The following POC1A variants were observed in gnomAD, a reference collection of about 807,000 sequenced individuals.
The protein encoded by POC1A is POC1 centriolar protein A.
In POC1A, 34 loss-of-function variants were observed where a neutral mutation model predicts 47.8. The ratio of observed to expected loss-of-function variants is 0.71; its 90% CI spans 0.54 to 0.95. POC1A has a LOEUF of 0.95. POC1A is among the 40% of genes least tolerant of loss of function. POC1A has a pLI of 0.00. For missense variants in POC1A, 466 were observed against 528.3 expected (o/e 0.88, Z 1.16); for synonymous variants, 177 against 207.6 (o/e 0.85, Z 1.27).
At chr3:52,141,970 C>A (rs1698208421) in intron 6 of POC1A, among the ~76,000 whole-genome samples, 1 of 152,232 alleles carries the variant, frequency 6.6e-6, no homozygotes, top group African/African-American at 2.4e-5. Context: ...GCCAAAGAGA[C>A]CACCTCTCCC....
chr3:52,100,169 T>C (rs142972611), intron 9 of POC1A, among the ~76,000 whole-genome samples: 2 of 152,290 alleles, frequency 1.3e-5, no homozygotes, highest in Middle Eastern at 3.4e-3. Flanking sequence ...TCACACACAG[T>C]AGGAATTGCC....
chr3:52,078,118 A>G (rs1702174176), intron 10 of POC1A, among the ~76,000 whole-genome samples: 1 of 152,132 alleles, frequency 6.6e-6, no homozygotes, highest in Admixed American at 6.5e-5. Flanking sequence ...CCCTCAAGGC[A>G]GTTTCTCCCC....
At chr3:52,114,720 C>A (rs1226583016) in intron 9 of POC1A, among the ~76,000 whole-genome samples, 2 of 152,164 alleles carry the variant, frequency 1.3e-5, no homozygotes, top group Non-Finnish European at 2.9e-5. Context: ...GAATGAATTT[C>A]CCCCAGGAGC....
chr3:52,109,557 A>T (rs900127039), intron 9 of POC1A, among the ~76,000 whole-genome samples: 3 of 151,896 alleles, frequency 2.0e-5, no homozygotes, highest in Middle Eastern at 6.8e-3. Flanking sequence ...GGCAAGTGGG[A>T]CTCCAAGAGG....
Position 52,154,399 on chromosome 3 carries a change from C to CTGCGGTGGCCGT in POC1A, c.-39_-28dup. The CTGCGGTGGCCGT allele has an allele frequency of 2.8e-6, 4 of 1,450,942 alleles. No homozygotes were observed. Among genetic ancestry groups the CTGCGGTGGCCGT allele is most frequent in the Non-Finnish European group, 2.7e-6 (3 of 1,108,230 alleles). 89.9% of individuals were successfully genotyped at this position (1,450,942 alleles called of 1,614,324 possible). ...GCGGGGCTGGCGGCGCCGAAGGCAG[C>CTGCGGTGGCCGT]TGCGGTGGCCGTTGCGGCCCGTTCA... On this transcript the variant is annotated 5_prime_UTR_variant, in exon 1 of 11. Transcript: ENST00000296484.
At chr3:52,120,447 A>G (rs1703736846) in intron 9 of POC1A, among the ~76,000 whole-genome samples, 1 of 152,228 alleles carries the variant, frequency 6.6e-6, no homozygotes, top group Admixed American at 6.5e-5. Flanking sequence ...AAATAAGGAA[A>G]GAGGTCTGAT....
At chr3:52,143,879 G>C (rs1360381228) in intron 6 of POC1A, among the ~76,000 whole-genome samples, 1 of 152,198 alleles carries the variant, frequency 6.6e-6, no homozygotes, top group Non-Finnish European at 1.5e-5. Context: ...CCCCGAGCCA[G>C]AGATGGCATC....
At chr3:52,134,606 T>C (rs1174800086) in intron 7 of POC1A, among the ~76,000 whole-genome samples, 1 of 152,158 alleles carries the variant, frequency 6.6e-6, no homozygotes, top group African/African-American at 2.4e-5. Flanking sequence ...CACTCCAGCC[T>C]GGGCGACAGG....
intron 7 of POC1A, among the ~76,000 whole-genome samples, chr3:52,136,407 C>G (rs1704466732): frequency 6.6e-6 from 1 of 152,160 alleles, no homozygotes; most frequent in South Asian, 2.1e-4. Flanking sequence ...GCCTTCAGCT[C>G]TGTCAGCCTC....
intron 7 of POC1A, among the ~76,000 whole-genome samples, chr3:52,127,558 AT>A (rs1158907298): frequency 2.7e-5 from 4 of 148,630 alleles, no homozygotes; most frequent in African/African-American, 5.0e-5. Flanking sequence ...GCCCAGCTAA[AT>A]TTTTTTTGTA....
In POC1A at chr3:52,145,907, G is replaced by A; in HGVS notation, c.618C>T (p.Gly206=). 2.5e-6 allele frequency: 4 copies of A among 1,613,982 alleles called. No individual in the cohort carries two copies. The South Asian group carries it at 3.3e-5, about 13-fold the overall frequency. ...CCCACACCTTCACTGTGTTGTCCAT[G>A]CCGGCAGCGGCAATGCACGTCCCAC... ...HPSGTCIAAA[G]MDNTVKVWDV... Residue 206 remains glycine (G), a synonymous_variant, in exon 6 of 11, where the codon GGC becomes GGT. Transcript: ENST00000296484.
intron 1 of POC1A, among the ~76,000 whole-genome samples, chr3:52,152,794 T>C (rs1021431030): frequency 1.5e-4 from 23 of 152,172 alleles, no homozygotes; most frequent in African/African-American, 5.3e-4. Flanking sequence ...AAACCAAATG[T>C]AGCATATTCA....
chr3:52,134,314 C>G (rs1027084581), intron 7 of POC1A, among the ~76,000 whole-genome samples: 1 of 152,146 alleles, frequency 6.6e-6, no homozygotes, highest in Non-Finnish European at 1.5e-5. Context: ...ACATATGTTA[C>G]CCCAGTAAAG....
chr3:52,139,078 T>C (rs1158746872), intron 6 of POC1A, among the ~76,000 whole-genome samples: 1 of 152,166 alleles, frequency 6.6e-6, no homozygotes, highest in Non-Finnish European at 1.5e-5. Flanking sequence ...ATGATCCACC[T>C]GCCTCGGCCT....
intron 7 of POC1A, among the ~76,000 whole-genome samples, chr3:52,126,248 T>C (rs1703995929): frequency 6.6e-6 from 1 of 152,094 alleles, no homozygotes; most frequent in South Asian, 2.1e-4. Context: ...GAGAGGAACA[T>C]TGGGAGGCGC....
intron 10 of POC1A, among the ~76,000 whole-genome samples, chr3:52,088,070 A>G (rs1402403582): frequency 1.3e-5 from 2 of 152,220 alleles, no homozygotes; most frequent in Non-Finnish European, 2.9e-5. Flanking sequence ...CATATAAAGT[A>G]GTTAGTTAAC....
At chr3:52,108,171 T>C (rs957014284) in intron 9 of POC1A, among the ~76,000 whole-genome samples, 5 of 152,240 alleles carry the variant, frequency 3.3e-5, no homozygotes, top group African/African-American at 1.2e-4. Context: ...TTACAGGGAA[T>C]GTTGACCTTG....
intron 9 of POC1A, among the ~76,000 whole-genome samples, chr3:52,103,832 A>T (rs1281826807): frequency 6.6e-6 from 1 of 152,182 alleles, no homozygotes; most frequent in Non-Finnish European, 1.5e-5. Flanking sequence ...GTAAAAAAAA[A>T]ACTGATCATG....
chr3:52,093,761 G>C (rs1349009868), intron 10 of POC1A, among the ~76,000 whole-genome samples: 1 of 152,178 alleles, frequency 6.6e-6, no homozygotes, highest in Non-Finnish European at 1.5e-5. Flanking sequence ...GCCGCTGAAG[G>C]GGTCACCCTG....
Sources: allele counts gnomAD v4.1 joint callset (sites outside exome capture counted in the v4.1 genomes callset), GRCh38; gene constraint gnomAD v4.1.1; transcripts MANE v1.5; gene names NCBI Gene and HGNC (gene_info 2026-07-23, HGNC 2026-07-21).